The following RERE variants were observed in gnomAD, a reference collection of about 807,000 sequenced individuals.
The protein encoded by RERE is arginine-glutamic acid dipeptide repeats.
A neutral mutation model predicts 146.1 loss-of-function variants in RERE; 40 were observed. That is an observed-to-expected ratio of 0.27 (90% CI 0.21 to 0.36). The LOEUF (loss-of-function observed/expected upper bound fraction) is 0.36. Among genes scored for constraint, RERE ranks in the 10% least tolerant of loss-of-function variants. The pLI, the probability that RERE is intolerant of heterozygous loss-of-function variation, is 1.00. For synonymous variants in RERE, 1,003 were observed against 866.0 expected (o/e 1.16, Z -2.78); for missense variants, 1,933 against 2,138.7 (o/e 0.90, Z 1.90).
intron 4 of RERE, among the ~76,000 whole-genome samples, chr1:8,562,104 T>C (rs1264361592): frequency 6.6e-6 from 1 of 152,124 alleles, no homozygotes; most frequent in Non-Finnish European, 1.5e-5. Context: ...GCTCAAAAAA[T>C]GTCAGATATT....
chr1:8,811,252 C>G (rs1641801579), intron 1 of RERE, among the ~76,000 whole-genome samples: 1 of 152,188 alleles, frequency 6.6e-6, no homozygotes, highest in South Asian at 2.1e-4. Context: ...CCCACACACA[C>G]TGAGTGCCTT....
chr1:8,777,693 C>T (rs745947813), intron 1 of RERE, among the ~76,000 whole-genome samples: 15 of 147,520 alleles, frequency 1.0e-4, no homozygotes, highest in Non-Finnish European at 2.0e-4. Context: ...CGCCACCACA[C>T]CCGGCTACTT....
chr1:8,750,983 A>G, intron 1 of RERE: 1 of 673,384 alleles, frequency 1.5e-6, no homozygotes, highest in East Asian at 2.5e-5. Context: ...CATCATCTGC[A>G]TGGAGGATCT....
At chr1:8,668,648 T>C (rs1038751077) in intron 1 of RERE, among the ~76,000 whole-genome samples, 1 of 152,184 alleles carries the variant, frequency 6.6e-6, no homozygotes, top group Non-Finnish European at 1.5e-5. Flanking sequence ...GGTACAGATA[T>C]ATGTTACAAC....
At chr1:8,404,321 G>C (rs1015297349) in intron 12 of RERE, among the ~76,000 whole-genome samples, 77 of 152,228 alleles carry the variant, frequency 5.1e-4, no homozygotes, top group Middle Eastern at 3.4e-3. Context: ...GAGAGGCTGA[G>C]GCAGGAGAAT....
At chr1:8,436,974 C>T (rs1374704384) in intron 11 of RERE, among the ~76,000 whole-genome samples, 2 of 152,162 alleles carry the variant, frequency 1.3e-5, no homozygotes, top group African/African-American at 4.8e-5. Context: ...AATACTGAAA[C>T]ATCCAAAGCA....
chr1:8,683,838 A>C (rs1343667710), intron 1 of RERE, among the ~76,000 whole-genome samples: 1 of 152,098 alleles, frequency 6.6e-6, no homozygotes, highest in East Asian at 1.9e-4. Context: ...GCTACTCAGG[A>C]GACTGAGGCA....
Position 8,358,754 on chromosome 1 carries a change from G to A in RERE, c.3781C>T (p.Arg1261Trp). The A allele has an allele frequency of 1.2e-6, 2 of 1,611,108 alleles. No homozygotes were observed. Among genetic ancestry groups the A allele is most frequent in the Non-Finnish European group, 1.7e-6 (2 of 1,178,274 alleles). The part of the protein sequence containing the change: ...PALRTLSEYA[R>W]PHVMSPTNRN... ...TTGGTGGGCGACATGACGTGGGGCC[G>A]GGCGTACTCGCTCAGAGTCCGAAGG... The change falls in exon 20 of 23, where the codon CGG (arginine) becomes TGG (tryptophan). Residue 1261 changes from arginine to tryptophan, a missense_variant. Physicochemically the swap from Arg to Trp is moderately radical, Grantham distance 101 (BLOSUM62 -3). Coordinates refer to ENST00000400908, the MANE Select transcript of RERE (RefSeq NM_001042681.2).
intron 7 of RERE, among the ~76,000 whole-genome samples, chr1:8,510,075 G>GT (rs1410680182): frequency 5.3e-5 from 8 of 152,222 alleles, no homozygotes; most frequent in African/African-American, 1.7e-4. Flanking sequence ...AAGGGAGGAG[G>GT]AAGACAAGGA....
intron 10 of RERE, among the ~76,000 whole-genome samples, chr1:8,481,336 A>C (rs925305906): frequency 6.6e-5 from 10 of 152,076 alleles, no homozygotes; most frequent in African/African-American, 2.4e-4. Flanking sequence ...GAATGGTCTC[A>C]ATCTGTTGAC....
intron 1 of RERE, chr1:8,751,156 C>G: frequency 3.2e-6 from 1 of 314,082 alleles, no homozygotes; most frequent in Non-Finnish European, 6.0e-6. Context: ...CTTCCCAAAA[C>G]AGGTAGTGTT....
chr1:8,726,810 T>TTTAC (rs1231125441), intron 1 of RERE, among the ~76,000 whole-genome samples: 2 of 152,116 alleles, frequency 1.3e-5, no homozygotes, highest in African/African-American at 4.8e-5. Context: ...CTGACGTTTA[T>TTTAC]TTATTTATTT....
intron 1 of RERE, among the ~76,000 whole-genome samples, chr1:8,772,503 G>C (rs1035042095): frequency 7.2e-5 from 11 of 152,152 alleles, no homozygotes; most frequent in Non-Finnish European, 1.3e-4. Context: ...GGCAGGACTT[G>C]GTGGTTCACA....
At chr1:8,803,812 T>A (rs1177488179) in intron 1 of RERE, among the ~76,000 whole-genome samples, 1 of 152,068 alleles carries the variant, frequency 6.6e-6, no homozygotes, top group South Asian at 2.1e-4. Flanking sequence ...TCTGCCTGCC[T>A]CAGCCCCACA....
intron 11 of RERE, among the ~76,000 whole-genome samples, chr1:8,460,471 T>C (rs943202679): frequency 6.6e-6 from 1 of 152,188 alleles, no homozygotes; most frequent in African/African-American, 2.4e-5. Flanking sequence ...GAGCTTTAAA[T>C]TGAAGGAAGA....
chr1:8,405,027 G>C (rs1480454800), intron 12 of RERE, among the ~76,000 whole-genome samples: 2 of 152,172 alleles, frequency 1.3e-5, no homozygotes. Context: ...TTTGGGGCGT[G>C]GGGGAGGGTG....
chr1:8,467,394 T>C (rs1342943202), intron 10 of RERE, among the ~76,000 whole-genome samples: 1 of 152,242 alleles, frequency 6.6e-6, no homozygotes. Context: ...TGCTTAGGTT[T>C]AGGCAAAGAC....
rs201612009 is a variant in RERE, at chr1:8,798,611, G to C, written c.-145+18549C>G. 25 of 220,740 alleles carry C rather than the reference G, an allele frequency of 1.1e-4. No individual in the cohort carries two copies. In the East Asian group the frequency reaches 2.6e-3, roughly 23 times the overall value. The allele number at this position is 220,740 out of a possible 1,614,324, so 13.7% of individuals were successfully genotyped here. A position where few individuals can be genotyped will look rare whatever the true frequency, so the allele number is the denominator to read the frequency against. The stretch of plus-strand genomic sequence containing the variant: ...TCGCCCTTACAGCCATGCTCTGGTG[G>C]CTGGATTTGACCACTATCCCCACAA... On this transcript the variant is annotated intron_variant, in intron 1 of 22. Coordinates refer to ENST00000400908, the MANE Select transcript of RERE (RefSeq NM_001042681.2).
intron 4 of RERE, among the ~76,000 whole-genome samples, chr1:8,604,840 C>A (rs775345134): frequency 1.5e-4 from 23 of 152,194 alleles, no homozygotes; most frequent in Non-Finnish European, 2.4e-4. Context: ...AATTTCTAAA[C>A]CCTTCCACTA....
Sources: gnomAD v4.1 joint callset for allele counts (sites outside exome capture counted in the v4.1 genomes callset) on GRCh38, gnomAD v4.1.1 for gene constraint, MANE v1.5 for transcripts, NCBI Gene and HGNC (gene_info 2026-07-23, HGNC 2026-07-21) for gene names.